Variants in GLIS2 observed in about 807,000 individuals in gnomAD.
GLIS2 encodes the protein GLIS family zinc finger 2.
In GLIS2, 14 loss-of-function variants were observed where a neutral mutation model predicts 35.6. The ratio of observed to expected loss-of-function variants is 0.39; its 90% confidence interval spans 0.26 to 0.61. The LOEUF (loss-of-function observed/expected upper bound fraction) is 0.61. Among genes scored for constraint, GLIS2 ranks in the 20% least tolerant of loss-of-function variants. The pLI is 0.48. For missense variants in GLIS2, 675 were observed against 713.4 expected, an observed-to-expected ratio of 0.95 and a Z score of 0.61; for synonymous variants, 368 against 325.1, an observed-to-expected ratio of 1.13 and a Z score of -1.42.
intron 1 of GLIS2, among the ~76,000 whole-genome samples, chr16:4,318,635 G>T (rs1035648158): frequency 1.3e-5 from 2 of 152,174 alleles, no homozygotes; most frequent in Non-Finnish European, 2.9e-5. Flanking sequence ...GGTCTCCCAG[G>T]GCCCCTTCTT....
At position 4,320,966 on chromosome 16, in the gene GLIS2, G is replaced by A. The variant is rs2053373274; in HGVS notation, c.-67+4712G>A. On this transcript the variant is annotated intron_variant, in intron 1 of 6. Coordinates refer to ENST00000433375, the MANE Select transcript of GLIS2 (RefSeq NM_032575.3). The surrounding 1 kb of genome is among the most constrained non-coding windows in gnomAD (Gnocchi z 5.6). ...CCACCAGGCCTGGCAGATCCTGCCA[G>A]TGGGTGTTCCCCTTTGGAAGGAAAA... Among the ~76,000 whole-genome samples the A allele has an allele frequency of 6.6e-6, 1 of 152,236 alleles. No individual in the cohort carries two copies. Among genetic ancestry groups the A allele is most frequent in the Non-Finnish European group, 1.5e-5 (1 of 68,036 alleles).
At chr16:4,316,517 G>T (rs1222490909) in intron 1 of GLIS2, among the ~76,000 whole-genome samples, 2 of 151,678 alleles carry the variant, frequency 1.3e-5, no homozygotes, top group Non-Finnish European at 2.9e-5. Context: ...TCTGGAGGCC[G>T]GGCCGAGCAG....
In GLIS2 at chr16:4,336,549, T is replaced by C. The variant is rs550366491; in HGVS notation, c.776-176T>C. On this transcript the variant is annotated intron_variant, in intron 6 of 6. Coordinates refer to ENST00000433375, the MANE Select transcript of GLIS2 (RefSeq NM_032575.3). Reference sequence around the variant, plus strand: ...TCAACCAGGCTGAGTTTTCAGCCTCTGTGCCCTGCCTGGGGGCAGATCTCA... The same window carrying C: ...TCAACCAGGCTGAGTTTTCAGCCTCCGTGCCCTGCCTGGGGGCAGATCTCA... 3.8e-5 allele frequency: 27 copies of C among 709,964 alleles called. No homozygotes were observed. The African/African-American group carries it at 4.5e-4, about 12-fold the overall frequency. 44.0% of individuals were successfully genotyped at this position (709,964 alleles called of 1,614,324 possible).
At position 4,323,412 on chromosome 16, in the gene GLIS2, G is replaced by A. The variant is rs572255917; in HGVS notation, c.-67+7158G>A. Among the ~76,000 whole-genome samples the A allele has an allele frequency of 5.9e-5, 9 of 152,326 alleles. No individual in the cohort carries two copies. The South Asian group carries it at 1.9e-3, about 32-fold the overall frequency. On this transcript the variant is annotated intron_variant, in intron 1 of 6. Transcript: ENST00000433375. ...GCACCCCCCCAAAGCTGGGCAGACAGGAAAATACCAGACATAGTTGTGCAA... is the reference window on the plus strand; with the variant it reads ...GCACCCCCCCAAAGCTGGGCAGACAAGAAAATACCAGACATAGTTGTGCAA...
chr16:4,326,438 A>T (rs920768401), intron 1 of GLIS2: 1 of 152,152 alleles, frequency 6.6e-6, no homozygotes, highest in Non-Finnish European at 1.5e-5. Context: ...ACCTGACCCC[A>T]TGCTGCTGGG....
At position 4,335,879 on chromosome 16, in the gene GLIS2, G is replaced by A. The variant is rs930528924; in HGVS notation, c.775+486G>A. 5.3e-6 allele frequency: 1 copy of A among 190,266 alleles called. No homozygotes were observed. Among genetic ancestry groups the A allele is most frequent in the African/African-American group, 2.4e-5 (1 of 42,524 alleles). The allele number at this position is 190,266 out of a possible 1,614,324, so 11.8% of individuals were successfully genotyped here. ...ATTAAAGACAAATCAGTGAGATATT[G>A]AAGTTCTTCATTTCATGACAAAGCC... On this transcript the variant is annotated intron_variant, in intron 6 of 6. Coordinates refer to ENST00000433375, the MANE Select transcript of GLIS2 (RefSeq NM_032575.3). The surrounding 1 kb of genome is among the most constrained non-coding windows in gnomAD (Gnocchi z 4.6).
At position 4,332,641 on chromosome 16, in the gene GLIS2, C is replaced by T. The variant is rs2053510661; in HGVS notation, c.172+189C>T. Reference sequence around the variant, plus strand: ...GCAGGGAGGTGGGAGCTGCAGTGCCCAGCTCACGTGGCTGGCACACGATGC... The same window carrying T: ...GCAGGGAGGTGGGAGCTGCAGTGCCTAGCTCACGTGGCTGGCACACGATGC... On this transcript the variant is annotated intron_variant, in intron 2 of 6. Transcript: ENST00000433375. The surrounding 1 kb of genome is among the most constrained non-coding windows in gnomAD (Gnocchi z 5.4). Among the ~76,000 whole-genome samples the T allele has an allele frequency of 6.6e-6, 1 of 152,236 alleles. No homozygotes were observed. Among genetic ancestry groups the T allele is most frequent in the African/African-American group, 2.4e-5 (1 of 41,470 alleles).
Position 4,336,969 on chromosome 16 carries a change from C to A in GLIS2, c.1020C>A (p.Pro340=), listed in dbSNP as rs752794127. 6.2e-7 allele frequency: 1 copy of A among 1,610,404 alleles called. No homozygotes were observed. Among genetic ancestry groups the A allele is most frequent in the Non-Finnish European group, 8.5e-7 (1 of 1,179,180 alleles). The stretch of plus-strand genomic sequence containing the variant: ...GCCCACCCCCCAAGCCGCCACTGCC[C>A]GCCCCCGACGGCGGCCCCTATGTCA... ...QLRPPPKPPL[P]APDGGPYVSG... The change falls in exon 7 of 7, where the codon CCC becomes CCA. Residue 340 remains proline, a synonymous_variant. Coordinates refer to ENST00000433375, the MANE Select transcript of GLIS2 (RefSeq NM_032575.3).
In GLIS2 at chr16:4,335,026, C is replaced by T. The variant is rs112309667; in HGVS notation, c.523-34C>T. ...GTGTGGAGTCTGGGGCAGGTCACCC[C>T]GCATGGGCTCAGAACACTTCCCATC... On this transcript the variant is annotated intron_variant, in intron 4 of 6. Transcript: ENST00000433375. This position sits in a 1 kb window ranked among gnomAD's most constrained non-coding sequence, Gnocchi z 4.6. The T allele has an allele frequency of 1.4e-3, 2,201 of 1,613,226 alleles. 35 individuals carry two copies. The African/African-American group carries it at 0.026, about 19-fold the overall frequency.
intron 1 of GLIS2, among the ~76,000 whole-genome samples, chr16:4,321,720 G>C (rs2053381860): frequency 6.6e-6 from 1 of 152,092 alleles, no homozygotes; most frequent in Non-Finnish European, 1.5e-5. Context: ...CTTCTCTTCA[G>C]TAGCCACAGC....
intron 1 of GLIS2, among the ~76,000 whole-genome samples, chr16:4,317,534 G>A (rs2141118122): frequency 6.6e-6 from 1 of 152,208 alleles, no homozygotes; most frequent in South Asian, 2.1e-4. Flanking sequence ...CCCCATTCTG[G>A]TGCCACAGTG....
intron 1 of GLIS2, among the ~76,000 whole-genome samples, chr16:4,321,471 C>T (rs915317928): frequency 5.9e-5 from 9 of 152,200 alleles, no homozygotes; most frequent in Non-Finnish European, 8.8e-5. Context: ...GACTCATTCG[C>T]GGAGTGCCAG....
upstream of GLIS2, chr16:4,314,871 T>C (rs972547393): frequency 6.6e-6 from 1 of 152,302 alleles, no homozygotes; most frequent in Admixed American, 6.5e-5. Flanking sequence ...GGAGGGCTGT[T>C]TTTTTGAACT....
chr16:4,324,793 G>C (rs189362235), intron 1 of GLIS2: 67 of 152,430 alleles, frequency 4.4e-4, no homozygotes, highest in African/African-American at 1.6e-3. Flanking sequence ...CCAACATGGG[G>C]GTCCTATATA....
intron 1 of GLIS2, among the ~76,000 whole-genome samples, chr16:4,328,560 G>A (rs1466083577): frequency 1.3e-5 from 2 of 152,232 alleles, no homozygotes; most frequent in African/African-American, 2.4e-5. Context: ...GTAGGGCTGG[G>A]GGCAGCTCCT....
intron 1 of GLIS2, among the ~76,000 whole-genome samples, chr16:4,319,475 G>A (rs1029011411): frequency 6.6e-5 from 10 of 152,290 alleles, no homozygotes; most frequent in Non-Finnish European, 5.9e-5. Context: ...TTGAGGCCCT[G>A]ATGTGTATCT....
intron 1 of GLIS2, among the ~76,000 whole-genome samples, chr16:4,318,408 A>G (rs1245935175): frequency 3.9e-5 from 6 of 152,178 alleles, no homozygotes; most frequent in Non-Finnish European, 7.4e-5. Context: ...CCAACTCTCA[A>G]TTATCCGAGG....
Position 4,337,840 on chromosome 16 carries a change from G to T in GLIS2, c.*316G>T. The T allele has an allele frequency of 1.9e-6, 1 of 516,992 alleles. No homozygotes were observed. The allele number at this position is 516,992 out of a possible 1,614,324, so 32.0% of individuals were successfully genotyped here. A position where few individuals can be genotyped will look rare whatever the true frequency, so the allele number is the denominator to read the frequency against. The stretch of plus-strand genomic sequence containing the variant: ...TCCTCCCGTTTCCCTCTCCCACCCT[G>T]GCACCTCCCTCACCTAGTGACCACC... On this transcript the variant is annotated 3_prime_UTR_variant, in exon 7 of 7. Coordinates refer to ENST00000433375, the MANE Select transcript of GLIS2 (RefSeq NM_032575.3).
intron 1 of GLIS2, among the ~76,000 whole-genome samples, chr16:4,317,699 C>T (rs978092499): frequency 2.0e-5 from 3 of 152,076 alleles, no homozygotes. Flanking sequence ...TCCCAGGACA[C>T]CCTTTGCCAA....
Sources: allele counts gnomAD v4.1 joint callset (sites outside exome capture counted in the v4.1 genomes callset), GRCh38; gene constraint gnomAD v4.1.1; non-coding constraint Gnocchi (gnomAD v3.1); transcripts MANE v1.5; gene names NCBI Gene and HGNC (gene_info 2026-07-23, HGNC 2026-07-21).